The following SYNDIG1 variants were observed in gnomAD, a reference collection of about 807,000 sequenced individuals.
The protein encoded by SYNDIG1 is synapse differentiation-inducing gene protein 1.
Under a neutral mutation model 19.4 loss-of-function variants are expected in SYNDIG1, and 9 were observed. The observed-to-expected ratio is 0.46, with a 90% CI of 0.28 to 0.81. The LOEUF is 0.81. SYNDIG1 is among the 30% of genes least tolerant of loss of function. The pLI is 0.12. For synonymous variants in SYNDIG1, 141 were observed against 145.9 expected (o/e 0.97, Z 0.24); for missense variants, 311 against 343.3 (o/e 0.91, Z 0.74).
chr20:24,506,595 C>G (rs1455460522), intron 1 of SYNDIG1, among the ~76,000 whole-genome samples: 1 of 152,224 alleles, frequency 6.6e-6, no homozygotes, highest in African/African-American at 2.4e-5. Flanking sequence ...AGGTCCTTCT[C>G]TGGAAGCCCA....
intron 2 of SYNDIG1, among the ~76,000 whole-genome samples, chr20:24,550,804 C>T (rs564478207): frequency 6.6e-6 from 1 of 152,286 alleles, no homozygotes; most frequent in Non-Finnish European, 1.5e-5. Context: ...GCCACTGCGC[C>T]CAGCCTACAT....
intron 1 of SYNDIG1, 87 bp from the exon 2 acceptor site, chr20:24,542,933 G>A: frequency 2.0e-6 from 2 of 1,013,168 alleles, no homozygotes; most frequent in Non-Finnish European, 1.4e-6. Context: ...CAGCTGGCTG[G>A]TACAGTCTGA....
intron 2 of SYNDIG1, among the ~76,000 whole-genome samples, chr20:24,561,196 A>G (rs188440721): frequency 1.2e-3 from 179 of 152,238 alleles, no homozygotes; most frequent in African/African-American, 4.2e-3. Context: ...GCAGTTTTCA[A>G]GTCTGCTCCA....
chr20:24,542,095 C>G (rs1230196459), intron 1 of SYNDIG1, among the ~76,000 whole-genome samples: 2 of 152,038 alleles, frequency 1.3e-5, no homozygotes, highest in African/African-American at 4.8e-5. Flanking sequence ...GCGGAAATGA[C>G]AAAATAAAAT....
intron 1 of SYNDIG1, 143 bp from the exon 2 acceptor site, chr20:24,542,877 G>A: frequency 3.1e-6 from 2 of 651,766 alleles, no homozygotes; most frequent in Non-Finnish European, 2.5e-6. Flanking sequence ...TCACTGAATA[G>A]GTAGGACTGC....
chr20:24,634,743 C>G (rs571514851), intron 3 of SYNDIG1, among the ~76,000 whole-genome samples: 2 of 152,266 alleles, frequency 1.3e-5, no homozygotes, highest in South Asian at 4.1e-4. Context: ...TTTTCTGACA[C>G]AGTTTTTAGT....
intron 1 of SYNDIG1, among the ~76,000 whole-genome samples, chr20:24,494,785 C>T (rs2056254288): frequency 6.6e-6 from 1 of 152,190 alleles, no homozygotes; most frequent in African/African-American, 2.4e-5. Flanking sequence ...ACGTGACAGG[C>T]ACCTCCAGCC....
intron 2 of SYNDIG1, among the ~76,000 whole-genome samples, chr20:24,566,408 AAT>A (rs2058042752): frequency 6.6e-6 from 1 of 152,236 alleles, no homozygotes; most frequent in Non-Finnish European, 1.5e-5. Context: ...TATCTGAAGA[AAT>A]AAATGAAACT....
chr20:24,636,777 AAAG>A (rs1251264830), intron 3 of SYNDIG1, among the ~76,000 whole-genome samples: 2 of 152,212 alleles, frequency 1.3e-5, no homozygotes, highest in African/African-American at 4.8e-5. Flanking sequence ...CTTTGTTAGA[AAAG>A]AAGTGATTTG....
intron 1 of SYNDIG1, among the ~76,000 whole-genome samples, chr20:24,487,330 A>G (rs937906410): frequency 2.0e-5 from 3 of 152,228 alleles, no homozygotes; most frequent in African/African-American, 7.2e-5. Context: ...TCAGTGCTGT[A>G]GTTGGCAACT....
chr20:24,584,201 C>G (rs965629070), intron 2 of SYNDIG1, among the ~76,000 whole-genome samples: 2 of 152,200 alleles, frequency 1.3e-5, no homozygotes, highest in Non-Finnish European at 2.9e-5. Context: ...GGGCCATCCT[C>G]TGCTCCTCAG....
chr20:24,590,051 T>G (rs561141581), intron 3 of SYNDIG1, among the ~76,000 whole-genome samples: 1 of 152,234 alleles, frequency 6.6e-6, no homozygotes, highest in Non-Finnish European at 1.5e-5. Context: ...TCAGCTTTAC[T>G]TTTCTCCGTT....
At chr20:24,616,032 G>A (rs972938086) in intron 3 of SYNDIG1, among the ~76,000 whole-genome samples, 2 of 152,176 alleles carry the variant, frequency 1.3e-5, no homozygotes, top group African/African-American at 4.8e-5. Context: ...AGAAACCACA[G>A]ATGTCTTCAC....
chr20:24,638,441 A>T (rs896862028), intron 3 of SYNDIG1, among the ~76,000 whole-genome samples: 3 of 152,064 alleles, frequency 2.0e-5, no homozygotes, highest in Non-Finnish European at 4.4e-5. Flanking sequence ...TGCATCCTCC[A>T]CCTCCTGAGC....
In SYNDIG1 at chr20:24,469,754, G is replaced by GT. The variant is rs1348926710; in HGVS notation, c.-79+2dup. 6.6e-6 allele frequency: 1 copy of GT among 151,820 alleles called. No homozygotes were observed. Among genetic ancestry groups the GT allele is most frequent in the East Asian group, 1.9e-4 (1 of 5,154 alleles). 9.4% of individuals were successfully genotyped at this position (151,820 alleles called of 1,614,324 possible). ...CTTGCCGGGTCACCTTGTCCCGGAG[G>GT]TAAGTCCAGACCTCCCGGCCGCGGG... On this transcript the variant is annotated splice_donor_variant, in intron 1 of 3. Transcript: ENST00000376862. LOFTEE classifies it low-confidence loss of function (5UTR_SPLICE).
chr20:24,470,640 C>G (rs2055407399), intron 1 of SYNDIG1, among the ~76,000 whole-genome samples: 1 of 152,190 alleles, frequency 6.6e-6, no homozygotes. Flanking sequence ...AGGGAAGGGG[C>G]TTTGTCCCTA....
rs1174050125 is a variant in SYNDIG1 at position 24,665,389 on chromosome 20, C to G, written c.662C>G (p.Thr221Ser). ...VAKGDLHQASTSSRRALFLAV... is the reference protein window; with the variant it reads ...VAKGDLHQASSSSRRALFLAV... ...AAGGGGGACTTGCACCAGGCCAGCA[C>G]CAGCTCCCGGCGGGCCCTATTCCTG... Residue 221 changes from threonine to serine, a missense_variant, in exon 4 of 4, where the codon ACC becomes AGC. Coordinates refer to ENST00000376862, the MANE Select transcript of SYNDIG1 (RefSeq NM_024893.3). 2 of 1,610,946 alleles carry G rather than the reference C, an allele frequency of 1.2e-6. No individual in the cohort carries two copies. The highest frequency in any genetic ancestry group is 2.2e-5 in the South Asian group (2 of 90,468).
At chr20:24,610,412 G>A (rs1002591206) in intron 3 of SYNDIG1, among the ~76,000 whole-genome samples, 3 of 152,190 alleles carry the variant, frequency 2.0e-5, no homozygotes, top group Non-Finnish European at 4.4e-5. Context: ...CACCCGCCGT[G>A]GGCACTCGGA....
chr20:24,609,559 G>C (rs2058814889), intron 3 of SYNDIG1, among the ~76,000 whole-genome samples: 1 of 152,226 alleles, frequency 6.6e-6, no homozygotes, highest in Non-Finnish European at 1.5e-5. Context: ...AGCTGGAAGG[G>C]ATGGATGCCT....
Sources: gnomAD v4.1 joint callset for allele counts (sites outside exome capture counted in the v4.1 genomes callset) on GRCh38, gnomAD v4.1.1 for gene constraint, MANE v1.5 for transcripts, NCBI Gene and HGNC (gene_info 2026-07-23, HGNC 2026-07-21) for gene names.